Variants in WWP1 observed in about 807,000 individuals in gnomAD.
WWP1 encodes the protein NEDD4-like E3 ubiquitin-protein ligase WWP1.
In WWP1, 49 loss-of-function variants were observed where a neutral mutation model predicts 130.6. The ratio of observed to expected loss-of-function variants is 0.38; its 90% CI spans 0.30 to 0.48. WWP1 has a LOEUF of 0.48. WWP1 is among the 20% of genes least tolerant of loss of function. The probability of loss-of-function intolerance (pLI) is 0.99; values close to 1 mark genes in which losing one functional copy is unlikely to be tolerated. For synonymous variants in WWP1, 332 were observed against 367.8 expected, an observed-to-expected ratio of 0.90 and a Z score of 1.11; for missense variants, 809 against 1,100.6, an observed-to-expected ratio of 0.74 and a Z score of 3.75.
At chr8:86,412,466 T>C (rs1808641094) in intron 9 of WWP1, among the ~76,000 whole-genome samples, 1 of 152,242 alleles carries the variant, frequency 6.6e-6, no homozygotes, top group Non-Finnish European at 1.5e-5. Flanking sequence ...ATAATACTAA[T>C]ATTAATTAAT....
intron 3 of WWP1, among the ~76,000 whole-genome samples, chr8:86,376,359 AG>A: frequency 6.6e-6 from 1 of 152,114 alleles, no homozygotes; most frequent in African/African-American, 2.4e-5. Flanking sequence ...ACGTGAGGCC[AG>A]GAGTTTGTGA....
chr8:86,352,127 A>T (rs73268855), intron 1 of WWP1, among the ~76,000 whole-genome samples: 8,147 of 149,546 alleles, frequency 0.054, 379 homozygotes, highest in African/African-American at 0.12. Flanking sequence ...TGCAACCTTA[A>T]CCAACCTCCT....
intron 18 of WWP1, 129 bp downstream of exon 18, chr8:86,442,907 C>T: frequency 1.1e-6 from 1 of 925,084 alleles, no homozygotes; most frequent in Non-Finnish European, 1.5e-6. Flanking sequence ...GAAAGTTTCC[C>T]TGGAGAGTGT....
At chr8:86,362,163 C>CATAT (rs34231831) in intron 1 of WWP1, among the ~76,000 whole-genome samples, 5,754 of 58,588 alleles carry the variant, frequency 0.098, 582 homozygotes, top group Non-Finnish European at 0.11. Flanking sequence ...ATATACAAGG[C>CATAT]ATATATATAT....
At chr8:86,408,919 A>C (rs879724740) in intron 8 of WWP1, among the ~76,000 whole-genome samples, 3 of 152,112 alleles carry the variant, frequency 2.0e-5, no homozygotes, top group South Asian at 2.1e-4. Context: ...CAAAAAAAAA[A>C]AAATTTTTTT....
chr8:86,428,879 C>T (rs1278948649), intron 11 of WWP1, among the ~76,000 whole-genome samples: 1 of 152,092 alleles, frequency 6.6e-6, no homozygotes, highest in Non-Finnish European at 1.5e-5. Flanking sequence ...CTTATCTGTA[C>T]ACATGAAAAC....
At chr8:86,431,884 G>C in intron 14 of WWP1, 141 bp downstream of exon 14, 1 of 1,032,496 alleles carries the variant, frequency 9.7e-7, no homozygotes, top group South Asian at 1.7e-5. Context: ...TAGTATAGCT[G>C]TCTTTGCTCT....
chr8:86,397,905 G>A (rs1236034651), intron 5 of WWP1, among the ~76,000 whole-genome samples: 1 of 152,110 alleles, frequency 6.6e-6, no homozygotes, highest in Non-Finnish European at 1.5e-5. Context: ...GAAGTCCATT[G>A]TCTCCATTTT....
intron 1 of WWP1, among the ~76,000 whole-genome samples, chr8:86,352,294 G>A (rs530997488): frequency 1.3e-5 from 2 of 151,740 alleles, no homozygotes; most frequent in Non-Finnish European, 2.9e-5. Context: ...GCGCTATCTC[G>A]GCTCACTGCA....
In WWP1 at chr8:86,467,433, G is replaced by A. The variant is rs1812238068; in HGVS notation, c.*540G>A. ...AATGCTGCTGGCTTTTCTGAAGACA[G>A]GTGCTTGAACTTGTCAGTTTGTTTT... On this transcript the variant is annotated 3_prime_UTR_variant, in exon 25 of 25. Coordinates refer to ENST00000517970, the MANE Select transcript of WWP1 (RefSeq NM_007013.4). 1 of 152,052 alleles carries A rather than the reference G, an allele frequency of 6.6e-6. No homozygotes were observed. The highest frequency in any genetic ancestry group is 1.5e-5 in the Non-Finnish European group (1 of 67,968). The allele number at this position is 152,052 out of a possible 1,614,324, so 9.4% of individuals were successfully genotyped here.
intron 4 of WWP1, 151 bp downstream of exon 4, chr8:86,381,015 A>T (rs991829393): frequency 3.3e-5 from 31 of 953,798 alleles, no homozygotes; most frequent in South Asian, 1.5e-4. Context: ...TTTTGGTTAA[A>T]TTTTTTTTTT....
In WWP1 at chr8:86,467,351, C is replaced by G. The variant is rs1365635412; in HGVS notation, c.*458C>G. 3 of 151,770 alleles carry G rather than the reference C, an allele frequency of 2.0e-5. No individual in the cohort carries two copies. Among genetic ancestry groups the G allele is most frequent in the Non-Finnish European group, 2.9e-5 (2 of 68,162 alleles). 9.4% of individuals were successfully genotyped at this position (151,770 alleles called of 1,614,324 possible). A position where few individuals can be genotyped will look rare whatever the true frequency, so the allele number is the denominator to read the frequency against. On this transcript the variant is annotated 3_prime_UTR_variant, in exon 25 of 25. Transcript: ENST00000517970. ...GAGGGTGTTTAGTTGCATGGCTGTTCAGAAAGGTATTAAGGGCTTAGGCCA... is the reference window on the plus strand; with the variant it reads ...GAGGGTGTTTAGTTGCATGGCTGTTGAGAAAGGTATTAAGGGCTTAGGCCA...
intron 23 of WWP1, 46 bp downstream of exon 23, chr8:86,461,366 A>G: frequency 1.3e-6 from 2 of 1,503,848 alleles, no homozygotes; most frequent in Non-Finnish European, 1.9e-6. Context: ...ATTTTGTGAT[A>G]ATAATGGCCT....
chr8:86,393,769 G>A (rs1029379003), intron 5 of WWP1, among the ~76,000 whole-genome samples: 3 of 152,150 alleles, frequency 2.0e-5, no homozygotes, highest in Non-Finnish European at 4.4e-5. Context: ...CCTCTAAATG[G>A]CCTTCAAGCA....
intron 1 of WWP1, among the ~76,000 whole-genome samples, chr8:86,366,657 T>G (rs974309926): frequency 6.6e-6 from 1 of 152,158 alleles, no homozygotes; most frequent in Non-Finnish European, 1.5e-5. Context: ...CTAGAAAAGT[T>G]TCTTTGAGAT....
intron 5 of WWP1, among the ~76,000 whole-genome samples, chr8:86,389,562 A>G (rs1825494930): frequency 1.3e-5 from 2 of 152,226 alleles, no homozygotes; most frequent in African/African-American, 4.8e-5. Context: ...TTCTTTCTAC[A>G]CAGACACCGT....
chr8:86,371,042 T>A (rs1013620802), intron 2 of WWP1, among the ~76,000 whole-genome samples: 12 of 140,138 alleles, frequency 8.6e-5, no homozygotes, highest in African/African-American at 3.0e-4. Context: ...ATTTTTGTAT[T>A]TTTTTTTTTT....
intron 1 of WWP1, among the ~76,000 whole-genome samples, chr8:86,357,720 C>CACAA (rs1823343507): frequency 6.6e-6 from 1 of 152,178 alleles, no homozygotes. Context: ...TTGTGTTAGG[C>CACAA]ATCATGCAAA....
chr8:86,366,035 A>G (rs898867594), intron 1 of WWP1, among the ~76,000 whole-genome samples: 7 of 152,224 alleles, frequency 4.6e-5, no homozygotes, highest in Non-Finnish European at 8.8e-5. Context: ...GAAAATTTGA[A>G]ACTATGAAGT....
Sources: allele counts gnomAD v4.1 joint callset (sites outside exome capture counted in the v4.1 genomes callset), GRCh38; gene constraint gnomAD v4.1.1; transcripts MANE v1.5; gene names NCBI Gene and HGNC (gene_info 2026-07-23, HGNC 2026-07-21).